The following GGNBP2 variants were observed in gnomAD, a reference collection of about 807,000 sequenced individuals.
GGNBP2 encodes the protein gametogenetin-binding protein 2.
GGNBP2 carries 10 observed loss-of-function variants against 85.9 expected under a neutral mutation model. That is an observed-to-expected ratio of 0.12 (90% confidence interval 0.07 to 0.20). GGNBP2 has a LOEUF of 0.20. Ranked by LOEUF, GGNBP2 falls within the 10% of genes least tolerant of loss-of-function variation. The pLI is 1.00. For missense variants in GGNBP2, 595 were observed against 857.8 expected (o/e 0.69, Z 3.83); for synonymous variants, 287 against 285.7 (o/e 1.00, Z -0.05).
intron 5 of GGNBP2, among the ~76,000 whole-genome samples, chr17:36,566,036 T>C (rs17138351): frequency 0.011 from 1,680 of 152,342 alleles, 26 homozygotes; most frequent in African/African-American, 0.038. Flanking sequence ...ATTGTGTGGA[T>C]AACTTACATT....
rs144302914 is a variant in GGNBP2, at chr17:36,583,784, A to G, written c.1216-1516A>G. Among the ~76,000 whole-genome samples, 185 of 152,228 alleles carry G rather than the reference A, an allele frequency of 1.2e-3. 1 individual carries two copies. The highest frequency in any genetic ancestry group is 4.3e-3 in the African/African-American group (180 of 41,552). ...GGCTGGGAGCAGTATTTTAATATAAACCTTTTCAGATAGTTGTGGATATTC... is the reference window on the plus strand; with the variant it reads ...GGCTGGGAGCAGTATTTTAATATAAGCCTTTTCAGATAGTTGTGGATATTC... On this transcript the variant is annotated intron_variant, in intron 9 of 13. Transcript: ENST00000613102.
At chr17:36,578,355 G>C in intron 7 of GGNBP2, 169 bp downstream of exon 7, 1 of 545,972 alleles carries the variant, frequency 1.8e-6, no homozygotes, top group Non-Finnish European at 3.2e-6. Flanking sequence ...TTAATTGACT[G>C]AAAATAGGGA....
chr17:36,578,307 C>T, intron 7 of GGNBP2, 121 bp downstream of exon 7: 1 of 721,126 alleles, frequency 1.4e-6, no homozygotes, highest in Admixed American at 3.1e-5. Flanking sequence ...TTAAAGTATG[C>T]CTGTAAAGAT....
chr17:36,561,079 A>T (rs988836931), intron 5 of GGNBP2, among the ~76,000 whole-genome samples: 4 of 151,810 alleles, frequency 2.6e-5, no homozygotes, highest in South Asian at 2.1e-4. Context: ...ATTTAAAAAA[A>T]TTTTTTTATG....
chr17:36,588,448 G>A (rs1468657821), intron 13 of GGNBP2, among the ~76,000 whole-genome samples: 2 of 152,006 alleles, frequency 1.3e-5, no homozygotes, highest in Non-Finnish European at 2.9e-5. Context: ...GTAGAGATGG[G>A]TTTCTCCATG....
intron 2 of GGNBP2, chr17:36,546,562 T>G (rs1433008164): frequency 6.6e-6 from 1 of 152,206 alleles, no homozygotes; most frequent in African/African-American, 2.4e-5. Context: ...TTTGGTAGTG[T>G]AGCATTATCG....
At chr17:36,559,026 G>A (rs1246185468) in intron 4 of GGNBP2, among the ~76,000 whole-genome samples, 6 of 152,202 alleles carry the variant, frequency 3.9e-5, no homozygotes, top group Admixed American at 6.5e-5. Flanking sequence ...CAGGCCTTGC[G>A]TGGTTGCTCA....
chr17:36,579,847 C>T (rs2074628224), intron 8 of GGNBP2, among the ~76,000 whole-genome samples: 1 of 152,026 alleles, frequency 6.6e-6, no homozygotes, highest in South Asian at 2.1e-4. Flanking sequence ...CCCGTCTCTA[C>T]TAAAAATACA....
intron 6 of GGNBP2, among the ~76,000 whole-genome samples, chr17:36,571,638 G>A (rs1262214763): frequency 6.6e-6 from 1 of 151,574 alleles, no homozygotes; most frequent in East Asian, 1.9e-4. Context: ...TCAGGAGATT[G>A]AGACTATCCT....
chr17:36,589,618 A>T lies in GGNBP2; in HGVS notation c.*207A>T. The T allele has an allele frequency of 1.7e-6, 1 of 578,184 alleles. No homozygotes were observed. The highest frequency in any genetic ancestry group is 3.1e-6 in the Non-Finnish European group (1 of 327,504). The allele number at this position is 578,184 out of a possible 1,614,324, so 35.8% of individuals were successfully genotyped here. On this transcript the variant is annotated 3_prime_UTR_variant, in exon 14 of 14. Coordinates refer to ENST00000613102, the MANE Select transcript of GGNBP2 (RefSeq NM_024835.5). ...AGTTGCGTGGCTGCGCAGGCCTGCCATATGATTTAAGCCATCTCTTTTCAT... is the reference window on the plus strand; with the variant it reads ...AGTTGCGTGGCTGCGCAGGCCTGCCTTATGATTTAAGCCATCTCTTTTCAT...
intron 2 of GGNBP2, 26 bp downstream of exon 2, chr17:36,545,843 C>A (rs771283272): frequency 9.5e-5 from 141 of 1,484,298 alleles, no homozygotes; most frequent in Non-Finnish European, 1.3e-4. Context: ...CGGGCTGGGC[C>A]CGCCGCTCCC....
chr17:36,562,735 G>A (rs2074429848), intron 5 of GGNBP2, among the ~76,000 whole-genome samples: 1 of 151,250 alleles, frequency 6.6e-6, no homozygotes, highest in Non-Finnish European at 1.5e-5. Context: ...TGGAGGCCGA[G>A]ACGAGCAGAT....
intron 1 of GGNBP2, among the ~76,000 whole-genome samples, chr17:36,545,327 G>T (rs986183084): frequency 4.7e-5 from 7 of 147,876 alleles, no homozygotes; most frequent in African/African-American, 1.2e-4. Context: ...CTGGGGCCGG[G>T]ACTCCTGCAG....
At chr17:36,557,441 A>G (rs747435250) in intron 4 of GGNBP2, 105 bp downstream of exon 4, 509 of 976,022 alleles carry the variant, frequency 5.2e-4, no homozygotes, top group Admixed American at 8.7e-4. Flanking sequence ...TGATTTAATA[A>G]TTTTATTGAG....
intron 9 of GGNBP2, among the ~76,000 whole-genome samples, chr17:36,584,299 G>A (rs902973292): frequency 2.6e-5 from 4 of 152,180 alleles, no homozygotes; most frequent in African/African-American, 9.7e-5. Context: ...CCTTGAGACA[G>A]CTGCAATAGA....
chr17:36,584,831 G>A (rs1390294945), intron 9 of GGNBP2, among the ~76,000 whole-genome samples: 1 of 152,058 alleles, frequency 6.6e-6, no homozygotes, highest in Non-Finnish European at 1.5e-5. Context: ...GTGTGCTTCT[G>A]TAGTCCTAGC....
intron 3 of GGNBP2, among the ~76,000 whole-genome samples, 164 bp downstream of exon 3, chr17:36,555,064 A>G (rs993024841): frequency 6.6e-6 from 1 of 152,178 alleles, no homozygotes; most frequent in Non-Finnish European, 1.5e-5. Context: ...TATTTACATG[A>G]TTTATGTAAC....
chr17:36,557,481 T>A (rs1487270055), intron 4 of GGNBP2, 145 bp downstream of exon 4: 3 of 695,958 alleles, frequency 4.3e-6, no homozygotes, highest in Non-Finnish European at 7.2e-6. Flanking sequence ...GATGTAAAGT[T>A]TCAACTCTCC....
intron 5 of GGNBP2, 62 bp from the exon 6 acceptor site, chr17:36,567,601 G>GT: frequency 7.3e-6 from 6 of 825,756 alleles, no homozygotes; most frequent in East Asian, 2.6e-5. Flanking sequence ...TCTGTTTTTT[G>GT]TTTTTTTAAG....
Sources: gnomAD v4.1 joint callset for allele counts (sites outside exome capture counted in the v4.1 genomes callset) on GRCh38, gnomAD v4.1.1 for gene constraint, MANE v1.5 for transcripts, NCBI Gene and HGNC (gene_info 2026-07-23, HGNC 2026-07-21) for gene names.